RABEP1: variants seen among roughly 807,000 people sequenced by gnomAD.
RABEP1 encodes the protein rabaptin, RAB GTPase binding effector protein 1.
In RABEP1, 51 loss-of-function variants were observed where a neutral mutation model predicts 123.4. That is an observed-to-expected ratio of 0.41 (90% CI 0.33 to 0.52). The LOEUF is 0.52. Among genes scored for constraint, RABEP1 ranks in the 20% least tolerant of loss-of-function variants. The pLI is 0.16. For missense variants in RABEP1, 888 were observed against 996.3 expected, an observed-to-expected ratio of 0.89 and a Z score of 1.46; for synonymous variants, 347 against 355.2, an observed-to-expected ratio of 0.98 and a Z score of 0.26.
rs1329835675 is a variant in RABEP1 at position 5,314,557 on chromosome 17, C to T, written c.163+5735C>T. Among the ~76,000 whole-genome samples the T allele has an allele frequency of 1.5e-3, 183 of 120,608 alleles. No homozygotes were observed. The Middle Eastern group carries it at 0.028, about 18-fold the overall frequency. 79.1% of individuals were successfully genotyped at this position (120,608 alleles called of 152,430 possible). ...TTTTTGAGATGGAGTCTTGCTCTGT[C>T]ACCCAGGCTGGAGTGCAGTGGCACG... On this transcript the variant is annotated intron_variant, in intron 2 of 17. Coordinates refer to ENST00000537505, the MANE Select transcript of RABEP1 (RefSeq NM_004703.6).
At chr17:5,341,340 CAAAT>C (rs1567533179) in intron 5 of RABEP1, among the ~76,000 whole-genome samples, 1 of 152,036 alleles carries the variant, frequency 6.6e-6, no homozygotes, top group African/African-American at 2.4e-5. Flanking sequence ...AACTGTCACA[CAAAT>C]AAATTTGAAA....
chr17:5,376,072 C>T (rs973918612), intron 13 of RABEP1, among the ~76,000 whole-genome samples: 1 of 152,094 alleles, frequency 6.6e-6, no homozygotes, highest in African/African-American at 2.4e-5. Context: ...AATTCTCGAC[C>T]TCAAGGAATC....
At chr17:5,379,195 A>G (rs545732791) in intron 15 of RABEP1, among the ~76,000 whole-genome samples, 182 of 152,300 alleles carry the variant, frequency 1.2e-3, no homozygotes, top group Non-Finnish European at 2.1e-3. Flanking sequence ...GGCATCAGGC[A>G]GGGCCACCTT....
chr17:5,385,780 G>A lies in RABEP1; in HGVS notation c.*2557G>A. On this transcript the variant is annotated 3_prime_UTR_variant, in exon 18 of 18. Transcript: ENST00000537505. ...CTGAAGGTGTGTCCTCAAGAAGAAA[G>A]TGTTCAAATTAAAAAAGCTGCTGCC... The A allele has an allele frequency of 4.2e-6, 1 of 235,440 alleles. No homozygotes were observed. Among genetic ancestry groups the A allele is most frequent in the Non-Finnish European group, 8.3e-6 (1 of 119,998 alleles). 14.6% of individuals were successfully genotyped at this position (235,440 alleles called of 1,614,324 possible). A position where few individuals can be genotyped will look rare whatever the true frequency, so the allele number is the denominator to read the frequency against.
intron 8 of RABEP1, among the ~76,000 whole-genome samples, chr17:5,358,632 C>T (rs1299227329): frequency 6.6e-6 from 1 of 151,318 alleles, no homozygotes; most frequent in Non-Finnish European, 1.5e-5. Flanking sequence ...GAATGCGCCA[C>T]TGCACTCCAG....
chr17:5,381,275 C>T (rs746930521), intron 16 of RABEP1, 114 bp from the exon 17 acceptor site: 16 of 1,452,968 alleles, frequency 1.1e-5, no homozygotes, highest in African/African-American at 5.7e-5. Context: ...TATAGGAGTG[C>T]GACGGATATC....
At chr17:5,322,259 G>C (rs1273688066) in intron 2 of RABEP1, among the ~76,000 whole-genome samples, 3 of 152,196 alleles carry the variant, frequency 2.0e-5, no homozygotes, top group African/African-American at 7.2e-5. Context: ...TTGGGAGGCT[G>C]AGGTGGGAGA....
chr17:5,335,479 C>A, intron 4 of RABEP1, 135 bp downstream of exon 4: 1 of 739,970 alleles, frequency 1.4e-6, no homozygotes, highest in South Asian at 1.9e-5. Flanking sequence ...CAGACCTAAA[C>A]ATAGTACTAA....
intron 1 of RABEP1, among the ~76,000 whole-genome samples, chr17:5,291,229 T>G (rs1039797133): frequency 1.3e-5 from 2 of 151,216 alleles, no homozygotes; most frequent in Non-Finnish European, 3.0e-5. Context: ...GCCAACAGAG[T>G]GAAACCCCGT....
At chr17:5,317,896 A>G (rs1171389659) in intron 2 of RABEP1, among the ~76,000 whole-genome samples, 4 of 152,312 alleles carry the variant, frequency 2.6e-5, no homozygotes, top group Non-Finnish European at 5.9e-5. Flanking sequence ...TGTCCATGTA[A>G]TAAAGCCTCT....
At chr17:5,361,907 C>A in intron 9 of RABEP1, 1 of 479,820 alleles carries the variant, frequency 2.1e-6, no homozygotes, top group Admixed American at 3.8e-5. Flanking sequence ...TGTGAACCTC[C>A]CCACCTGAAC....
At chr17:5,312,172 A>G (rs2075249705) in intron 2 of RABEP1, among the ~76,000 whole-genome samples, 1 of 152,034 alleles carries the variant, frequency 6.6e-6, no homozygotes, top group African/African-American at 2.4e-5. Context: ...TGTGAGGCAG[A>G]GTCTCACTTT....
chr17:5,354,239 A>T, intron 7 of RABEP1, 120 bp from the exon 8 acceptor site: 1 of 867,342 alleles, frequency 1.2e-6, no homozygotes, highest in Non-Finnish European at 1.7e-6. Flanking sequence ...AAGAAGCGTA[A>T]GTATCCAGTT....
intron 3 of RABEP1, among the ~76,000 whole-genome samples, chr17:5,334,408 T>C (rs1291000355): frequency 2.6e-5 from 4 of 152,098 alleles, no homozygotes; most frequent in African/African-American, 9.7e-5. Context: ...ATTTTTGTAT[T>C]TTTAGTAGAG....
intron 1 of RABEP1, among the ~76,000 whole-genome samples, chr17:5,303,702 C>T (rs554104781): frequency 6.6e-6 from 1 of 152,170 alleles, no homozygotes; most frequent in Non-Finnish European, 1.5e-5. Context: ...AGGTTTTGGT[C>T]GTAGTAAATT....
chr17:5,282,446 T>TTCCCCGCCCA lies in RABEP1; in HGVS notation c.-33_-24dup. On this transcript the variant is annotated 5_prime_UTR_variant, in exon 1 of 18. Transcript: ENST00000537505. ...AGCCCGCGGGAGCCCAGGACGCCGC[T>TTCCCCGCCCA]TCCCCGCCCATCCCCGCTCCCCGAG... The TTCCCCGCCCA allele has an allele frequency of 7.5e-7, 1 of 1,333,624 alleles. No individual in the cohort carries two copies. Among genetic ancestry groups the TTCCCCGCCCA allele is most frequent in the Non-Finnish European group, 9.7e-7 (1 of 1,027,200 alleles). The allele number at this position is 1,333,624 out of a possible 1,614,324, so 82.6% of individuals were successfully genotyped here.
At chr17:5,284,666 A>T (rs982406557) in intron 1 of RABEP1, among the ~76,000 whole-genome samples, 1 of 151,980 alleles carries the variant, frequency 6.6e-6, no homozygotes, top group Non-Finnish European at 1.5e-5. Context: ...GCGTTTTGCC[A>T]TGTTGCCTAG....
intron 1 of RABEP1, among the ~76,000 whole-genome samples, chr17:5,306,036 T>C (rs1440902871): frequency 1.3e-5 from 2 of 152,170 alleles, no homozygotes; most frequent in Non-Finnish European, 2.9e-5. Flanking sequence ...CAAGGTCTCA[T>C]GGGAATGAAC....
rs925423137 is a variant in RABEP1 at position 5,386,218 on chromosome 17, A to G, written c.*2995A>G. On this transcript the variant is annotated 3_prime_UTR_variant, in exon 18 of 18. Transcript: ENST00000537505. ...GCTCCTGGTGGTGTCAGAAGTTTACATGATTGCGGATATCATTGATTTGCT... is the reference window on the plus strand; with the variant it reads ...GCTCCTGGTGGTGTCAGAAGTTTACGTGATTGCGGATATCATTGATTTGCT... 1 of 1,613,310 alleles carries G rather than the reference A, an allele frequency of 6.2e-7. No individual in the cohort carries two copies. The highest frequency in any genetic ancestry group is 1.3e-5 in the African/African-American group (1 of 74,916).
Sources: allele counts gnomAD v4.1 joint callset (sites outside exome capture counted in the v4.1 genomes callset), GRCh38; gene constraint gnomAD v4.1.1; transcripts MANE v1.5; gene names NCBI Gene and HGNC (gene_info 2026-07-23, HGNC 2026-07-21).